NCALD: variants seen among roughly 807,000 people sequenced by gnomAD.
NCALD encodes neurocalcin delta.
In NCALD, 10 loss-of-function variants were observed where a neutral mutation model predicts 18.6. That is an observed-to-expected ratio of 0.54 (90% CI 0.33 to 0.91). The LOEUF (loss-of-function observed/expected upper bound fraction) is 0.91. NCALD is among the 40% of genes least tolerant of loss of function. The probability of loss-of-function intolerance (pLI) is 0.03; values close to 1 mark genes in which losing one functional copy is unlikely to be tolerated. For missense variants in NCALD, 184 were observed against 247.6 expected, an observed-to-expected ratio of 0.74 and a Z score of 1.72; for synonymous variants, 88 against 87.4, an observed-to-expected ratio of 1.01 and a Z score of -0.04.
At chr8:101,705,810 C>T (rs1815487954) in intron 2 of NCALD, among the ~76,000 whole-genome samples, 1 of 152,182 alleles carries the variant, frequency 6.6e-6, no homozygotes, top group African/African-American at 2.4e-5. Flanking sequence ...TGCTCCAGCT[C>T]CCAGGCAATT....
At chr8:102,080,054 T>A (rs1824475188) in intron 1 of NCALD, among the ~76,000 whole-genome samples, 1 of 152,156 alleles carries the variant, frequency 6.6e-6, no homozygotes, top group Non-Finnish European at 1.5e-5. Flanking sequence ...TCACTGCACT[T>A]CTCAAGCCTT....
chr8:101,762,822 T>C (rs545153944), intron 1 of NCALD, among the ~76,000 whole-genome samples: 44 of 152,324 alleles, frequency 2.9e-4, no homozygotes, highest in African/African-American at 9.9e-4. Flanking sequence ...TCCACCCGCC[T>C]TGGCCTCCCA....
At chr8:101,912,338 A>C (rs1403811010) in intron 3 of NCALD, among the ~76,000 whole-genome samples, 3 of 152,192 alleles carry the variant, frequency 2.0e-5, no homozygotes, top group Non-Finnish European at 4.4e-5. Context: ...CTTTTATAAA[A>C]TGAGTTATTA....
At chr8:102,124,694 G>A (rs1331286714), upstream of NCALD, 1 of 152,668 alleles carries the variant, frequency 6.6e-6, no homozygotes, top group East Asian at 1.9e-4. Context: ...TTGAGGGGGG[G>A]TCTGGGGTCC....
chr8:101,746,007 C>T (rs1810411781), intron 1 of NCALD: 2 of 152,190 alleles, frequency 1.3e-5, no homozygotes, highest in South Asian at 2.1e-4. Context: ...GGAATGAACA[C>T]ACATTTGTGT....
chr8:102,005,886 G>A (rs1303913924), intron 2 of NCALD, among the ~76,000 whole-genome samples: 2 of 143,058 alleles, frequency 1.4e-5, no homozygotes, highest in African/African-American at 2.6e-5. Flanking sequence ...TGTGGGGTGG[G>A]GGGGCAGGGG....
At chr8:101,912,454 G>C (rs1025800356) in intron 3 of NCALD, among the ~76,000 whole-genome samples, 1 of 152,184 alleles carries the variant, frequency 6.6e-6, no homozygotes, top group African/African-American at 2.4e-5. Flanking sequence ...GTATTTATGA[G>C]CAGTCTCCAA....
intron 1 of NCALD, among the ~76,000 whole-genome samples, chr8:102,044,455 G>T (rs1487175561): frequency 6.7e-6 from 1 of 149,596 alleles, no homozygotes; most frequent in African/African-American, 2.5e-5. Flanking sequence ...CAAGCAAGAA[G>T]AGAGATGGTA....
At chr8:101,801,304 G>GAAAA (rs1252884698) in intron 4 of NCALD, among the ~76,000 whole-genome samples, 1 of 151,812 alleles carries the variant, frequency 6.6e-6, no homozygotes, top group Non-Finnish European at 1.5e-5. Flanking sequence ...ACAACCAGCA[G>GAAAA]AAAAAAGTAG....
At chr8:101,747,110 G>A (rs571161820) in intron 1 of NCALD, among the ~76,000 whole-genome samples, 7 of 152,284 alleles carry the variant, frequency 4.6e-5, no homozygotes, top group East Asian at 1.9e-4. Flanking sequence ...GAAAGTTCCC[G>A]TGGCACACAG....
chr8:101,921,112 A>G (rs1208571137), intron 2 of NCALD, among the ~76,000 whole-genome samples: 1 of 152,174 alleles, frequency 6.6e-6, no homozygotes, highest in African/African-American at 2.4e-5. Flanking sequence ...AATGGGCACA[A>G]GGAAGGAGTA....
chr8:101,941,502 T>G (rs1818955756), intron 2 of NCALD, among the ~76,000 whole-genome samples: 1 of 152,208 alleles, frequency 6.6e-6, no homozygotes, highest in Non-Finnish European at 1.5e-5. Flanking sequence ...ACAGACTACT[T>G]TGAATCAGAA....
chr8:101,871,918 T>G (rs1586667910), intron 4 of NCALD: 1 of 704,704 alleles, frequency 1.4e-6, no homozygotes, highest in Non-Finnish European at 2.6e-6. Context: ...CTTCTTAGGG[T>G]TTTCCTCCAA....
chr8:102,026,824 G>A (rs955581253), intron 1 of NCALD, among the ~76,000 whole-genome samples: 30 of 152,204 alleles, frequency 2.0e-4, no homozygotes, highest in African/African-American at 7.2e-4. Flanking sequence ...CTTCTGCCTG[G>A]AGATCCAGGC....
chr8:102,103,456 T>C (rs1374419784), intron 1 of NCALD, among the ~76,000 whole-genome samples: 1 of 152,204 alleles, frequency 6.6e-6, no homozygotes, highest in Non-Finnish European at 1.5e-5. Context: ...GTTAAGTAAC[T>C]TGCCCATAGT....
chr8:102,118,177 C>T (rs73700235), intron 1 of NCALD, among the ~76,000 whole-genome samples: 50,436 of 152,032 alleles, frequency 0.33, 8,994 homozygotes, highest in African/African-American at 0.44. Flanking sequence ...AAGAGAGTGG[C>T]TGGGGCCTTT....
chr8:101,743,601 T>A (rs1810304754), intron 1 of NCALD, among the ~76,000 whole-genome samples: 1 of 152,182 alleles, frequency 6.6e-6, no homozygotes, highest in Non-Finnish European at 1.5e-5. Context: ...CTCTTGAACT[T>A]TCCCTGCCTT....
chr8:101,902,245 C>G (rs546161632), intron 3 of NCALD, among the ~76,000 whole-genome samples: 1 of 149,262 alleles, frequency 6.7e-6, no homozygotes, highest in Non-Finnish European at 1.5e-5. Flanking sequence ...TCTGTCCACT[C>G]CATTCTCATG....
intron 2 of NCALD, among the ~76,000 whole-genome samples, chr8:101,954,825 T>C (rs894443593): frequency 2.0e-5 from 3 of 152,220 alleles, no homozygotes; most frequent in Admixed American, 1.3e-4. Context: ...ATAAATGCCA[T>C]GCATGATTCT....
Sources: allele counts gnomAD v4.1 joint callset (sites outside exome capture counted in the v4.1 genomes callset), GRCh38; gene constraint gnomAD v4.1.1; transcripts MANE v1.5; gene names NCBI Gene and HGNC (gene_info 2026-07-23, HGNC 2026-07-21).